The following ARFGEF3 variants were observed in gnomAD, a reference collection of about 807,000 sequenced individuals.
ARFGEF3 encodes the protein brefeldin A-inhibited guanine nucleotide-exchange protein 3.
Under a neutral mutation model 221.7 loss-of-function variants are expected in ARFGEF3, and 96 were observed. The ratio of observed to expected loss-of-function variants is 0.43; its 90% CI spans 0.37 to 0.51. The LOEUF is 0.51. ARFGEF3 is among the 20% of genes least tolerant of loss of function. ARFGEF3 has a pLI of 0.00. For synonymous variants in ARFGEF3, 1,145 were observed against 1,126.8 expected, an observed-to-expected ratio of 1.02 and a Z score of -0.32; for missense variants, 2,410 against 2,789.9, an observed-to-expected ratio of 0.86 and a Z score of 3.07.
At chr6:138,239,435 G>A (rs915285818) in intron 6 of ARFGEF3, among the ~76,000 whole-genome samples, 23 of 152,168 alleles carry the variant, frequency 1.5e-4, no homozygotes, top group African/African-American at 4.6e-4. Flanking sequence ...ATCACCTGAG[G>A]TTAGGAGTTT....
At position 138,294,260 on chromosome 6, in the gene ARFGEF3, A is replaced by G. The variant is rs2114640600; in HGVS notation, c.3502+134A>G. On this transcript the variant is annotated intron_variant, in intron 20 of 33. Coordinates refer to ENST00000251691, the MANE Select transcript of ARFGEF3 (RefSeq NM_020340.5). ...ACACTCACACAAGCTAAGCCCAAGTATAGATTTGTCTCCAGATTTTGAGGC... is the reference window on the plus strand; with the variant it reads ...ACACTCACACAAGCTAAGCCCAAGTGTAGATTTGTCTCCAGATTTTGAGGC... 8.4e-6 allele frequency: 8 copies of G among 955,594 alleles called. No homozygotes were observed. The East Asian group carries it at 1.8e-4, about 21-fold the overall frequency. 59.2% of individuals were successfully genotyped at this position (955,594 alleles called of 1,614,324 possible). A position where few individuals can be genotyped will look rare whatever the true frequency, so the allele number is the denominator to read the frequency against.
At chr6:138,169,305 A>G (rs1392713096) in intron 1 of ARFGEF3, among the ~76,000 whole-genome samples, 3 of 152,078 alleles carry the variant, frequency 2.0e-5, no homozygotes, top group Non-Finnish European at 2.9e-5. Context: ...CTTGGGTTCC[A>G]CACTGATCCC....
chr6:138,308,683 GC>G, intron 23 of ARFGEF3, 55 bp from the exon 24 acceptor site: 3 of 1,603,228 alleles, frequency 1.9e-6, no homozygotes, highest in Non-Finnish European at 2.6e-6. Context: ...GGCAACCCTG[GC>G]AAACCCGAGG....
chr6:138,219,802 G>A (rs1229066372), intron 4 of ARFGEF3, among the ~76,000 whole-genome samples: 3 of 152,112 alleles, frequency 2.0e-5, no homozygotes, highest in Non-Finnish European at 4.4e-5. Context: ...GCGTGTGTGT[G>A]TGTGTGTGTG....
intron 4 of ARFGEF3, among the ~76,000 whole-genome samples, chr6:138,222,848 A>C (rs1778005620): frequency 6.6e-6 from 1 of 152,016 alleles, no homozygotes; most frequent in African/African-American, 2.4e-5. Flanking sequence ...CCTCATATAT[A>C]GTTTTTTATC....
chr6:138,184,002 G>C (rs1035040916), intron 2 of ARFGEF3, among the ~76,000 whole-genome samples: 1 of 152,156 alleles, frequency 6.6e-6, no homozygotes, highest in Non-Finnish European at 1.5e-5. Flanking sequence ...CACAGGGCTC[G>C]CTCTCAGAAC....
At chr6:138,297,273 A>G (rs1042322486) in intron 21 of ARFGEF3, among the ~76,000 whole-genome samples, 1 of 152,172 alleles carries the variant, frequency 6.6e-6, no homozygotes, top group African/African-American at 2.4e-5. Context: ...GGTTCCTAAT[A>G]GCTTTATTTT....
At chr6:138,321,591 G>A (rs1780028117) in intron 29 of ARFGEF3, among the ~76,000 whole-genome samples, 1 of 152,168 alleles carries the variant, frequency 6.6e-6, no homozygotes, top group South Asian at 2.1e-4. Flanking sequence ...AACAAATGCT[G>A]GAGAGGATGT....
chr6:138,227,410 C>T (rs1245417126), intron 4 of ARFGEF3, among the ~76,000 whole-genome samples: 1 of 152,198 alleles, frequency 6.6e-6, no homozygotes, highest in Non-Finnish European at 1.5e-5. Context: ...CTTCCTAAAC[C>T]TACCTTTGTG....
intron 10 of ARFGEF3, among the ~76,000 whole-genome samples, chr6:138,256,226 T>C (rs969206864): frequency 6.6e-6 from 1 of 152,168 alleles, no homozygotes; most frequent in Non-Finnish European, 1.5e-5. Flanking sequence ...TTTGCCTCAT[T>C]TCTCCCAAAT....
intron 9 of ARFGEF3, among the ~76,000 whole-genome samples, chr6:138,255,049 G>A (rs1001469497): frequency 2.6e-5 from 4 of 152,146 alleles, no homozygotes; most frequent in Non-Finnish European, 5.9e-5. Context: ...TGGGTCCCTG[G>A]GCTTATCGAC....
chr6:138,196,783 C>T (rs1310773383), intron 2 of ARFGEF3, among the ~76,000 whole-genome samples: 1 of 152,076 alleles, frequency 6.6e-6, no homozygotes, highest in Non-Finnish European at 1.5e-5. Flanking sequence ...GTCAGTTGTA[C>T]AAAAATACTT....
intron 25 of ARFGEF3, among the ~76,000 whole-genome samples, chr6:138,313,257 A>C (rs1327607113): frequency 6.6e-6 from 1 of 152,162 alleles, no homozygotes; most frequent in Non-Finnish European, 1.5e-5. Context: ...TAGTCCCAAG[A>C]GGGGACTAAA....
At chr6:138,181,867 A>G (rs1777084843) in intron 2 of ARFGEF3, among the ~76,000 whole-genome samples, 1 of 152,182 alleles carries the variant, frequency 6.6e-6, no homozygotes, top group South Asian at 2.1e-4. Flanking sequence ...TTCGTTTCAA[A>G]CTGTGCCTCT....
chr6:138,247,040 G>A (rs978691408), intron 8 of ARFGEF3, among the ~76,000 whole-genome samples: 7 of 152,110 alleles, frequency 4.6e-5, no homozygotes, highest in African/African-American at 1.7e-4. Context: ...TACATGGATA[G>A]CATAAACCAA....
Position 138,298,663 on chromosome 6 carries a change from A to G in ARFGEF3, c.3706A>G (p.Ile1236Val), listed in dbSNP as rs1473212511. 1.9e-6 allele frequency: 3 copies of G among 1,613,522 alleles called. No individual in the cohort carries two copies. The highest frequency in any genetic ancestry group is 2.2e-5 in the East Asian group (1 of 44,882). Residue 1236 changes from isoleucine (I) to valine (V), a missense_variant, in exon 22 of 34, where the codon ATA becomes GTA. Physicochemically the swap from Ile to Val is conservative, Grantham distance 29. Transcript: ENST00000251691. ...SQKAVSFIHD[I>V]LTEVLTDWNE... Reference sequence around the variant, plus strand: ...GAAGGCTGTTTCCTTCATCCATGACATACTGACAGAAGTCCTCACTGACTG... The same window carrying G: ...GAAGGCTGTTTCCTTCATCCATGACGTACTGACAGAAGTCCTCACTGACTG...
At chr6:138,171,032 A>G (rs117523475) in intron 2 of ARFGEF3, among the ~76,000 whole-genome samples, 2,039 of 148,714 alleles carry the variant, frequency 0.014, 35 homozygotes, top group Middle Eastern at 0.059. Flanking sequence ...CTCCTGTGAT[A>G]ACAGCATTCA....
At chr6:138,267,029 T>G (rs1286990919) in intron 12 of ARFGEF3, among the ~76,000 whole-genome samples, 1 of 152,048 alleles carries the variant, frequency 6.6e-6, no homozygotes, top group Non-Finnish European at 1.5e-5. Flanking sequence ...TGGTGTCCCT[T>G]GTGCCAAGGC....
At chr6:138,328,920 C>T (rs916851775) in intron 32 of ARFGEF3, among the ~76,000 whole-genome samples, 1 of 152,094 alleles carries the variant, frequency 6.6e-6, no homozygotes, top group Non-Finnish European at 1.5e-5. Flanking sequence ...TCACTTGAGC[C>T]CAGGAGGCCA....
Sources: allele counts gnomAD v4.1 joint callset (sites outside exome capture counted in the v4.1 genomes callset), GRCh38; gene constraint gnomAD v4.1.1; transcripts MANE v1.5; gene names NCBI Gene and HGNC (gene_info 2026-07-23, HGNC 2026-07-21).